SHISA9: variants seen among roughly 807,000 people sequenced by gnomAD.
SHISA9 encodes protein shisa-9.
In SHISA9, 13 loss-of-function variants were observed where a neutral mutation model predicts 38.0. The observed-to-expected ratio is 0.34, with a 90% CI of 0.22 to 0.54. The LOEUF is 0.54. Ranked by LOEUF, SHISA9 falls within the 20% of genes least tolerant of loss-of-function variation. The pLI is 0.91. For synonymous variants in SHISA9, 275 were observed against 242.0 expected (o/e 1.14, Z -1.27); for missense variants, 538 against 575.8 (o/e 0.93, Z 0.67).
At chr16:13,386,319 A>G in the SHISA9 span, among the ~76,000 whole-genome samples, 3 of 152,208 alleles carry the variant, frequency 2.0e-5, no homozygotes, top group African/African-American at 7.2e-5. Flanking sequence ...AATGGTTTCC[A>G]TCTGTAGTCA....
the SHISA9 span, among the ~76,000 whole-genome samples, chr16:13,491,818 CTTTTTTTTTTTTTTTT>C: frequency 4.7e-3 from 208 of 44,528 alleles, 1 homozygote; most frequent in African/African-American, 0.02. Context: ...ATTTATTGAC[CTTTTTTTTTTTTTTTT>C]TTTTTTTTTT....
At chr16:13,335,622 C>A in the SHISA9 span, among the ~76,000 whole-genome samples, 2 of 152,202 alleles carry the variant, frequency 1.3e-5, no homozygotes, top group African/African-American at 4.8e-5. Context: ...TTCGATGAAC[C>A]AGTCACACAC....
chr16:13,278,098 C>T, the SHISA9 span, among the ~76,000 whole-genome samples: 2 of 151,814 alleles, frequency 1.3e-5, no homozygotes, highest in African/African-American at 4.8e-5. Flanking sequence ...CTTTGTATGC[C>T]GATTTTTCTG....
intron 2 of SHISA9, among the ~76,000 whole-genome samples, chr16:13,178,300 A>G (rs989710182): frequency 4.7e-5 from 7 of 150,440 alleles, no homozygotes; most frequent in African/African-American, 1.5e-4. Context: ...TAGGGTGACC[A>G]TGAGTAAGCC....
intron 2 of SHISA9, among the ~76,000 whole-genome samples, chr16:13,049,897 T>A (rs2073231379): frequency 6.6e-6 from 1 of 152,128 alleles, no homozygotes; most frequent in Non-Finnish European, 1.5e-5. Flanking sequence ...ACCCCACTCC[T>A]GGTACTTTTC....
At chr16:13,476,077 G>A in the SHISA9 span, among the ~76,000 whole-genome samples, 1 of 152,278 alleles carries the variant, frequency 6.6e-6, no homozygotes, top group African/African-American at 2.4e-5. Context: ...GGTTGGGGGA[G>A]ACCCCTGCCA....
intron 2 of SHISA9, among the ~76,000 whole-genome samples, chr16:12,923,959 T>A (rs1040590383): frequency 1.6e-4 from 24 of 152,116 alleles, no homozygotes; most frequent in African/African-American, 5.8e-4. Flanking sequence ...TCACAGTGAA[T>A]ATTTGAGTCT....
the SHISA9 span, among the ~76,000 whole-genome samples, chr16:13,325,498 G>A: frequency 6.6e-6 from 1 of 152,122 alleles, no homozygotes; most frequent in Admixed American, 6.5e-5. Flanking sequence ...TTAGTTGGTC[G>A]AGGGCCTTAG....
rs554692196 is a variant in SHISA9, at chr16:13,051,561, A to G, written c.691+134746A>G. 2.2e-3 allele frequency among the ~76,000 whole-genome samples: 330 copies of G among 152,110 alleles called. 4 individuals carry two copies. The highest frequency in any genetic ancestry group is 7.8e-3 in the African/African-American group (323 of 41,488). On this transcript the variant is annotated intron_variant, in intron 2 of 4. Transcript: ENST00000558583. Reference sequence around the variant, plus strand: ...TCTCATCCACTTGCCTTCATTTTTTATTTCATTTTTTACTTCATGGAAATT... The same window carrying G: ...TCTCATCCACTTGCCTTCATTTTTTGTTTCATTTTTTACTTCATGGAAATT...
the SHISA9 span, among the ~76,000 whole-genome samples, chr16:13,432,466 CT>C: frequency 3.3e-5 from 5 of 152,290 alleles, no homozygotes; most frequent in Non-Finnish European, 5.9e-5. Flanking sequence ...GGGTGATATT[CT>C]AAAGTATTCC....
chr16:13,080,376 A>AAAAT (rs1254343112), intron 2 of SHISA9, among the ~76,000 whole-genome samples: 1 of 152,230 alleles, frequency 6.6e-6, no homozygotes, highest in Non-Finnish European at 1.5e-5. Flanking sequence ...CCGTCTCAAA[A>AAAAT]AAATAAATAA....
chr16:13,484,410 C>A, the SHISA9 span, among the ~76,000 whole-genome samples: 1 of 152,154 alleles, frequency 6.6e-6, no homozygotes, highest in East Asian at 1.9e-4. Flanking sequence ...GCCTCTACAG[C>A]ACCAGTACAG....
At chr16:13,519,231 T>G in the SHISA9 span, among the ~76,000 whole-genome samples, 1 of 152,128 alleles carries the variant, frequency 6.6e-6, no homozygotes, top group Non-Finnish European at 1.5e-5. Flanking sequence ...TGGCAGAAAA[T>G]AATCAAAGAT....
At position 12,959,580 on chromosome 16, in the gene SHISA9, C is replaced by G. The variant is rs576227099; in HGVS notation, c.691+42765C>G. Among the ~76,000 whole-genome samples, 9 of 148,916 alleles carry G rather than the reference C, an allele frequency of 6.0e-5. No individual in the cohort carries two copies. The South Asian group carries it at 1.9e-3, about 32-fold the overall frequency. On this transcript the variant is annotated intron_variant, in intron 2 of 4. Transcript: ENST00000558583. ...ACAGAGCTCAGACTTGAGACACGGG[C>G]TTCCCTCTATAGGGGTCAAAAACCA...
chr16:13,456,816 G>C, the SHISA9 span, among the ~76,000 whole-genome samples: 2 of 152,224 alleles, frequency 1.3e-5, no homozygotes, highest in Non-Finnish European at 1.5e-5. Flanking sequence ...CCAAGTCCCA[G>C]GTAATTGTCC....
intron 2 of SHISA9, among the ~76,000 whole-genome samples, chr16:13,109,987 C>T (rs1811188386): frequency 6.6e-6 from 1 of 152,250 alleles, no homozygotes; most frequent in South Asian, 2.1e-4. Flanking sequence ...TTTGTGGACA[C>T]ATGTTTTCAT....
chr16:13,476,925 T>A, the SHISA9 span, among the ~76,000 whole-genome samples: 38 of 151,930 alleles, frequency 2.5e-4, no homozygotes, highest in African/African-American at 7.5e-4. Context: ...ATTTTTTGTA[T>A]TTTTTAGTAG....
intron 2 of SHISA9, among the ~76,000 whole-genome samples, chr16:13,142,491 A>C (rs1429665148): frequency 6.6e-6 from 1 of 152,132 alleles, no homozygotes; most frequent in East Asian, 1.9e-4. Flanking sequence ...TGCAGTGGGA[A>C]CTATCTAAGT....
intron 2 of SHISA9, among the ~76,000 whole-genome samples, chr16:13,128,155 C>A (rs989436660): frequency 2.6e-5 from 4 of 152,102 alleles, no homozygotes; most frequent in African/African-American, 9.7e-5. Context: ...GGGACACAGT[C>A]TCTACTTCCT....
Sources: gnomAD v4.1 joint callset for allele counts (sites outside exome capture counted in the v4.1 genomes callset) on GRCh38, gnomAD v4.1.1 for gene constraint, MANE v1.5 for transcripts, NCBI Gene and HGNC (gene_info 2026-07-23, HGNC 2026-07-21) for gene names.